Variants in TMTC2 observed in about 807,000 individuals in gnomAD.
TMTC2 encodes the protein transmembrane O-mannosyltransferase targeting cadherins 2.
TMTC2 carries 43 observed loss-of-function variants against 82.4 expected under a neutral mutation model. The ratio of observed to expected loss-of-function variants is 0.52; its 90% confidence interval spans 0.41 to 0.67. The LOEUF (loss-of-function observed/expected upper bound fraction) is 0.67, where lower values mean the gene tolerates loss of function less well. TMTC2 is among the 30% of genes least tolerant of loss of function. The probability of loss-of-function intolerance (pLI) is 0.00; values close to 1 mark genes in which losing one functional copy is unlikely to be tolerated. For missense variants in TMTC2, 919 were observed against 1,012.4 expected (o/e 0.91, Z 1.25); for synonymous variants, 408 against 381.9 (o/e 1.07, Z -0.80).
intron 4 of TMTC2, among the ~76,000 whole-genome samples, chr12:82,937,701 G>GGTGTGTGTGTGTGTGT (rs146657948): frequency 4.1e-5 from 3 of 73,272 alleles, no homozygotes; most frequent in South Asian, 5.5e-4. Flanking sequence ...AAATGTCAAT[G>GGTGTGTGTGTGTGTGT]GTGTGTGTGT....
chr12:82,848,952 G>T (rs1870826449), intron 1 of TMTC2, among the ~76,000 whole-genome samples: 1 of 152,150 alleles, frequency 6.6e-6, no homozygotes, highest in African/African-American at 2.4e-5. Context: ...AGGGGGAAAA[G>T]AAATGGTTTG....
At chr12:82,790,396 T>C (rs1878408100) in intron 1 of TMTC2, among the ~76,000 whole-genome samples, 1 of 152,086 alleles carries the variant, frequency 6.6e-6, no homozygotes, top group Non-Finnish European at 1.5e-5. Flanking sequence ...ATGCCAGTAA[T>C]TTGTTTGGCT....
At chr12:82,829,626 A>T (rs1368480883) in intron 1 of TMTC2, among the ~76,000 whole-genome samples, 1 of 152,202 alleles carries the variant, frequency 6.6e-6, no homozygotes, top group Non-Finnish European at 1.5e-5. Flanking sequence ...ATTTTGGCAA[A>T]TGTCACCCTT....
intron 2 of TMTC2, among the ~76,000 whole-genome samples, chr12:82,872,489 T>C (rs967929793): frequency 2.6e-5 from 4 of 152,222 alleles, no homozygotes; most frequent in African/African-American, 9.6e-5. Context: ...TGCTGCATCA[T>C]TGCTAATCAA....
chr12:82,941,907 T>C (rs2707754), intron 4 of TMTC2, among the ~76,000 whole-genome samples: 139,714 of 152,170 alleles, frequency 0.92, 64,237 homozygotes, highest in East Asian at 1. Flanking sequence ...ACACCATGCC[T>C]GACTAGTTTT....
intron 7 of TMTC2, among the ~76,000 whole-genome samples, chr12:82,975,971 C>T (rs1026324459): frequency 6.6e-6 from 1 of 151,830 alleles, no homozygotes; most frequent in Non-Finnish European, 1.5e-5. Context: ...TTTTATTAAG[C>T]CATTTTATTG....
chr12:83,014,529 A>G lies in TMTC2; in HGVS notation c.2071-16269A>G, dbSNP rs532598636. On this transcript the variant is annotated intron_variant, in intron 8 of 11. Coordinates refer to ENST00000321196, the MANE Select transcript of TMTC2 (RefSeq NM_152588.3). Reference sequence around the variant, plus strand: ...TAATTTTTGTATTTTTAGTAGAGACAGGGTTTCACATGTTGCCCAGGCTGG... The same window carrying G: ...TAATTTTTGTATTTTTAGTAGAGACGGGGTTTCACATGTTGCCCAGGCTGG... Among the ~76,000 whole-genome samples, 4 of 152,226 alleles carry G rather than the reference A, an allele frequency of 2.6e-5. No homozygotes were observed. In the South Asian group the frequency reaches 8.3e-4, roughly 32 times the overall value.
rs540891107 is a variant in TMTC2, at chr12:82,852,412, C to A, written c.84-4598C>A. The stretch of plus-strand genomic sequence containing the variant: ...GTGAGCCACCGCGCCCGGCCAGAGA[C>A]TATCTTTTTGCTTCAAAAAGACAGT... On this transcript the variant is annotated intron_variant, in intron 1 of 11. Transcript: ENST00000321196. 2.2e-4 allele frequency among the ~76,000 whole-genome samples: 33 copies of A among 152,178 alleles called. No individual in the cohort carries two copies. In the South Asian group the frequency reaches 6.2e-3, roughly 29 times the overall value.
In TMTC2 at chr12:82,858,155, TG is replaced by T. The variant is rs200530154; in HGVS notation, c.654+577del. Among the ~76,000 whole-genome samples the T allele has an allele frequency of 3.5e-3, 534 of 152,284 alleles. 4 individuals are homozygous for T. Among genetic ancestry groups the T allele is most frequent in the African/African-American group, 0.012 (508 of 41,570 alleles). ...ATGGTTATTATTGAGTTTCTCCCTG[TG>T]GCCAATTAAGACCTTTGCCTTAGGG... On this transcript the variant is annotated intron_variant, in intron 2 of 11. Transcript: ENST00000321196.
intron 9 of TMTC2, among the ~76,000 whole-genome samples, chr12:83,034,156 C>T (rs1314686089): frequency 6.6e-6 from 1 of 151,872 alleles, no homozygotes; most frequent in East Asian, 1.9e-4. Context: ...GAAAGTAATA[C>T]TGTATAGGAA....
At chr12:83,080,216 A>C (rs1883415822) in intron 11 of TMTC2, among the ~76,000 whole-genome samples, 1 of 152,172 alleles carries the variant, frequency 6.6e-6, no homozygotes, top group South Asian at 2.1e-4. Flanking sequence ...ATTACACTTG[A>C]ATTTGTATAA....
At chr12:82,827,130 A>T (rs1469113781) in intron 1 of TMTC2, among the ~76,000 whole-genome samples, 1 of 152,204 alleles carries the variant, frequency 6.6e-6, no homozygotes, top group Non-Finnish European at 1.5e-5. Flanking sequence ...TAAATAAATC[A>T]TCATAAGGAA....
chr12:82,735,574 T>C (rs1330694470), intron 1 of TMTC2, among the ~76,000 whole-genome samples: 1 of 151,896 alleles, frequency 6.6e-6, no homozygotes, highest in Non-Finnish European at 1.5e-5. Flanking sequence ...CTCGATCTCC[T>C]GACCTTGTGA....
intron 1 of TMTC2, among the ~76,000 whole-genome samples, chr12:82,820,737 A>ATACTATT (rs1227862035): frequency 8.5e-5 from 13 of 152,250 alleles, no homozygotes; most frequent in African/African-American, 3.1e-4. Context: ...TTTTACAAAC[A>ATACTATT]TACTATTGAT....
At chr12:82,996,261 T>C (rs1049362989) in intron 8 of TMTC2, among the ~76,000 whole-genome samples, 13 of 152,198 alleles carry the variant, frequency 8.5e-5, no homozygotes, top group African/African-American at 3.1e-4. Flanking sequence ...TGTGAAGTTT[T>C]GAAGGAACCA....
At position 83,132,507 on chromosome 12, in the gene TMTC2, T is replaced by C. The variant is rs1417850689; in HGVS notation, c.*118T>C. ...TTAGACTTCAAGACCAGGGCAGAGG[T>C]CATTGAGGTCACTACCGCTTCTGGA... On this transcript the variant is annotated 3_prime_UTR_variant, in exon 12 of 12. Transcript: ENST00000321196. The C allele has an allele frequency of 1.8e-6, 2 of 1,130,192 alleles. No individual in the cohort carries two copies. The highest frequency in any genetic ancestry group is 2.5e-6 in the Non-Finnish European group (2 of 802,342). 70.0% of individuals were successfully genotyped at this position (1,130,192 alleles called of 1,614,324 possible). A position where few individuals can be genotyped will look rare whatever the true frequency, so the allele number is the denominator to read the frequency against.
chr12:82,955,642 G>A (rs1043803382), intron 4 of TMTC2, among the ~76,000 whole-genome samples: 3 of 152,060 alleles, frequency 2.0e-5, no homozygotes, highest in Admixed American at 1.3e-4. Flanking sequence ...TCTTTTTTTA[G>A]TAACATGATT....
At chr12:82,797,588 T>C (rs529571259) in intron 1 of TMTC2, among the ~76,000 whole-genome samples, 1 of 152,254 alleles carries the variant, frequency 6.6e-6, no homozygotes, top group Non-Finnish European at 1.5e-5. Flanking sequence ...ATGAGTCACC[T>C]CAAAAGCGTA....
In TMTC2 at chr12:82,881,943, T is replaced by G. The variant is rs1872842642; in HGVS notation, c.655-13875T>G. Among the ~76,000 whole-genome samples, 3 of 152,144 alleles carry G rather than the reference T, an allele frequency of 2.0e-5. No homozygotes were observed. The South Asian group carries it at 6.2e-4, about 32-fold the overall frequency. On this transcript the variant is annotated intron_variant, in intron 2 of 11. Transcript: ENST00000321196. ...ACTTTGTGAAAACTCAGATTATATTTTTCACCTTTTCCCACGTTACCCATC... is the reference window on the plus strand; with the variant it reads ...ACTTTGTGAAAACTCAGATTATATTGTTCACCTTTTCCCACGTTACCCATC...
Sources: gnomAD v4.1 joint callset for allele counts (sites outside exome capture counted in the v4.1 genomes callset) on GRCh38, gnomAD v4.1.1 for gene constraint, MANE v1.5 for transcripts, NCBI Gene and HGNC (gene_info 2026-07-23, HGNC 2026-07-21) for gene names.